CNBD1: variants seen among roughly 807,000 people sequenced by gnomAD.
The protein encoded by CNBD1 is cyclic nucleotide binding domain containing 1, also known as cyclic nucleotide-binding domain-containing protein 1.
Under a neutral mutation model 54.4 loss-of-function variants are expected in CNBD1, and 71 were observed. That is an observed-to-expected ratio of 1.30 (90% confidence interval 1.08 to 1.59). The LOEUF (loss-of-function observed/expected upper bound fraction) is 1.59. CNBD1 is among the 40% of genes most tolerant of loss of function. The probability of loss-of-function intolerance (pLI) is 0.00; values close to 1 mark genes in which losing one functional copy is unlikely to be tolerated. For missense variants in CNBD1, 659 were observed against 518.0 expected (o/e 1.27, Z -2.64); for synonymous variants, 182 against 170.7 (o/e 1.07, Z -0.51).
chr8:87,303,344 A>C (rs1298360191), intron 8 of CNBD1, among the ~76,000 whole-genome samples: 1 of 151,912 alleles, frequency 6.6e-6, no homozygotes, highest in South Asian at 2.1e-4. Context: ...ATATCTACAA[A>C]CATCTGATCT....
chr8:87,206,063 T>C lies in CNBD1; in HGVS notation c.502T>C (p.Phe168Leu), dbSNP rs375583012. The C allele has an allele frequency of 1.2e-6, 2 of 1,606,228 alleles. No individual in the cohort carries two copies. The highest frequency in any genetic ancestry group is 1.7e-6 in the Non-Finnish European group (2 of 1,176,198). The change falls in exon 5 of 11, where the codon TTT (phenylalanine) becomes CTT (leucine). Residue 168 changes from phenylalanine to leucine, a missense_variant. Transcript: ENST00000518476. ...KFLKTIPDLT[F>L]QLNDKHLKTL... ...CCTGAAAACAATTCCAGATTTAACCTTTCAGCTAAATGATAAGCATCTGAA... is the reference window on the plus strand; with the variant it reads ...CCTGAAAACAATTCCAGATTTAACCCTTCAGCTAAATGATAAGCATCTGAA...
chr8:87,356,939 G>T (rs1810431651), intron 10 of CNBD1, among the ~76,000 whole-genome samples: 1 of 152,096 alleles, frequency 6.6e-6, no homozygotes, highest in Admixed American at 6.6e-5. Context: ...TGCCACCTCA[G>T]GACGCTGCTC....
At chr8:87,329,158 G>T (rs1325692841) in intron 8 of CNBD1, among the ~76,000 whole-genome samples, 1 of 152,158 alleles carries the variant, frequency 6.6e-6, no homozygotes, top group East Asian at 1.9e-4. Context: ...CAGTTGTTCA[G>T]CACTGTTCTT....
intron 4 of CNBD1, among the ~76,000 whole-genome samples, chr8:87,002,887 T>A (rs1316585821): frequency 6.6e-6 from 1 of 152,214 alleles, no homozygotes; most frequent in Non-Finnish European, 1.5e-5. Flanking sequence ...TCCAGGTGAC[T>A]AGAAAAGTTT....
At chr8:86,985,180 C>G (rs916845497) in intron 4 of CNBD1, among the ~76,000 whole-genome samples, 4 of 152,176 alleles carry the variant, frequency 2.6e-5, no homozygotes, top group Admixed American at 6.5e-5. Context: ...GTGAGACATG[C>G]CTTTCACCTT....
intron 4 of CNBD1, among the ~76,000 whole-genome samples, chr8:87,062,736 G>GAA (rs34209251): frequency 1.4e-5 from 2 of 140,424 alleles, no homozygotes; most frequent in African/African-American, 5.2e-5. Context: ...AACTCCATCT[G>GAA]AAAAAAAAAA....
At chr8:87,290,035 A>G (rs1808759137) in intron 8 of CNBD1, among the ~76,000 whole-genome samples, 4 of 151,982 alleles carry the variant, frequency 2.6e-5, no homozygotes. Context: ...GTTACTTTTT[A>G]TGGTTGCTTT....
intron 4 of CNBD1, among the ~76,000 whole-genome samples, chr8:87,031,021 A>G (rs966879937): frequency 1.4e-5 from 2 of 145,742 alleles, no homozygotes; most frequent in African/African-American, 5.1e-5. Context: ...AAATTCTTCC[A>G]GAAGCCCTCT....
chr8:86,953,254 T>C (rs568343705), intron 4 of CNBD1, among the ~76,000 whole-genome samples: 5 of 152,308 alleles, frequency 3.3e-5, no homozygotes, highest in Admixed American at 2.6e-4. Context: ...AACTTAATAA[T>C]TGGGTAGGAA....
chr8:87,085,383 C>T (rs1041185661), intron 4 of CNBD1, among the ~76,000 whole-genome samples: 5 of 151,988 alleles, frequency 3.3e-5, no homozygotes, highest in African/African-American at 1.2e-4. Context: ...AAGATACATA[C>T]ACATGTATAT....
intron 4 of CNBD1, among the ~76,000 whole-genome samples, chr8:86,978,753 C>G (rs950341470): frequency 1.3e-5 from 2 of 151,816 alleles, no homozygotes; most frequent in Admixed American, 6.6e-5. Flanking sequence ...ATGTTGGTCT[C>G]GAACTCCCGA....
intron 4 of CNBD1, among the ~76,000 whole-genome samples, chr8:86,947,515 C>T (rs1220186980): frequency 6.6e-6 from 1 of 152,110 alleles, no homozygotes. Context: ...CTACGTTGGA[C>T]AAAAATTCTT....
At chr8:87,346,883 G>C (rs753926689) in intron 8 of CNBD1, among the ~76,000 whole-genome samples, 1 of 152,158 alleles carries the variant, frequency 6.6e-6, no homozygotes, top group Non-Finnish European at 1.5e-5. Flanking sequence ...TTGCCTCACA[G>C]GTGGTATGGA....
At chr8:87,053,717 G>C (rs573293784) in intron 4 of CNBD1, among the ~76,000 whole-genome samples, 3 of 152,168 alleles carry the variant, frequency 2.0e-5, no homozygotes, top group Non-Finnish European at 4.4e-5. Context: ...ACTCCCTTGC[G>C]TGACTGGTAT....
At chr8:87,160,165 A>T (rs142051048) in intron 4 of CNBD1, among the ~76,000 whole-genome samples, 99 of 152,178 alleles carry the variant, frequency 6.5e-4, no homozygotes, top group Admixed American at 4.3e-3. Context: ...ACTTTTATGG[A>T]AATAGTATTG....
intron 4 of CNBD1, among the ~76,000 whole-genome samples, chr8:87,106,157 CTTCCTTTCCA>C (rs144608604): frequency 0.075 from 11,267 of 150,534 alleles, 490 homozygotes; most frequent in Non-Finnish European, 0.1. Context: ...CTTCTTTTTT[CTTCCTTTCCA>C]TTCCTTTCCA....
rs115018181 is a variant in CNBD1 at position 86,970,300 on chromosome 8, T to G, written c.431+30546T>G. On this transcript the variant is annotated intron_variant, in intron 4 of 10. Transcript: ENST00000518476. ...ATTTCACTTAGTAATATGTTAGCAC[T>G]TCTAATTATGTCCTATGTGTCTTAT... Among the ~76,000 whole-genome samples, 1,486 of 152,330 alleles carry G rather than the reference T, an allele frequency of 9.8e-3. 18 individuals are homozygous for G. The highest frequency in any genetic ancestry group is 0.033 in the African/African-American group (1,371 of 41,578).
intron 4 of CNBD1, among the ~76,000 whole-genome samples, chr8:87,130,669 C>T (rs1044860954): frequency 1.3e-5 from 2 of 151,258 alleles, no homozygotes; most frequent in Non-Finnish European, 2.9e-5. Flanking sequence ...CCCAGCTACT[C>T]GGGAGGCTGA....
At chr8:86,928,532 G>C (rs182407849) in intron 3 of CNBD1, among the ~76,000 whole-genome samples, 1 of 152,144 alleles carries the variant, frequency 6.6e-6, no homozygotes, top group Non-Finnish European at 1.5e-5. Context: ...CTTTGGGGGA[G>C]CCCAAATCTA....
Sources: gnomAD v4.1 joint callset for allele counts (sites outside exome capture counted in the v4.1 genomes callset) on GRCh38, gnomAD v4.1.1 for gene constraint, MANE v1.5 for transcripts, NCBI Gene and HGNC (gene_info 2026-07-23, HGNC 2026-07-21) for gene names.